The following SNED1 variants were observed in gnomAD, a reference collection of about 807,000 sequenced individuals.
SNED1 encodes sushi, nidogen and EGF-like domain-containing protein 1.
In SNED1, 81 loss-of-function variants were observed where a neutral mutation model predicts 166.7. The observed-to-expected ratio is 0.49, with a 90% CI of 0.41 to 0.58. SNED1 has a LOEUF of 0.58. Ranked by LOEUF, SNED1 falls within the 20% of genes least tolerant of loss-of-function variation. The pLI is 0.00. For synonymous variants in SNED1, 762 were observed against 822.0 expected (o/e 0.93, Z 1.25); for missense variants, 1,604 against 2,000.2 (o/e 0.80, Z 3.78).
chr2:241,009,576 A>G (rs920928433), intron 1 of SNED1, among the ~76,000 whole-genome samples: 1 of 152,110 alleles, frequency 6.6e-6, no homozygotes. Context: ...GCATGGCCCC[A>G]TGGGGACAGG....
rs1273327829 is a variant in SNED1 at position 241,052,633 on chromosome 2, G to GT, written c.2083+165_2083+166insT. On this transcript the variant is annotated intron_variant, in intron 15 of 31. Transcript: ENST00000310397. The stretch of plus-strand genomic sequence containing the variant: ...ATACCAGTGCCAGGCAGGTGAGAGG[G>GT]CCGGGGGGCCAAGCAGGGTACATGG... 3.7e-5 allele frequency among the ~76,000 whole-genome samples: 5 copies of GT among 136,672 alleles called. No homozygotes were observed. In the South Asian group the frequency reaches 1.0e-3, roughly 28 times the overall value. The allele number at this position is 136,672 out of a possible 152,430, so 89.7% of individuals were successfully genotyped here.
At chr2:241,055,362 A>G (rs1168670529) in intron 16 of SNED1, among the ~76,000 whole-genome samples, 1 of 152,182 alleles carries the variant, frequency 6.6e-6, no homozygotes, top group Non-Finnish European at 1.5e-5. Context: ...AAACAGAAAA[A>G]GTTTTAACTT....
In SNED1 at chr2:241,071,717, C is replaced by CCCCCCCGGA; in HGVS notation, c.3732_3733insCCCCCGGAC (p.Pro1244_Arg1245insProProAsp). On this transcript the variant is annotated inframe_insertion, in exon 25 of 32. Coordinates refer to ENST00000310397, the MANE Select transcript of SNED1 (RefSeq NM_001080437.3). Reference sequence around the variant, plus strand: ...GCCCCCGAGACCCCCACCCAGCCCCCCAGGTACATGCCCCACCCATCGGCC... The same window carrying CCCCCCCGGA: ...GCCCCCGAGACCCCCACCCAGCCCCCCCCCCCGGACAGGTACATGCCCCACCCATCGGCC... The CCCCCCCGGA allele has an allele frequency of 6.6e-7, 1 of 1,505,870 alleles. No individual in the cohort carries two copies. Among genetic ancestry groups the CCCCCCCGGA allele is most frequent in the Non-Finnish European group, 9.0e-7 (1 of 1,115,010 alleles). 93.3% of individuals were successfully genotyped at this position (1,505,870 alleles called of 1,614,324 possible).
At chr2:241,071,743 C>T in intron 25 of SNED1, 23 bp downstream of exon 25, 1 of 1,537,762 alleles carries the variant, frequency 6.5e-7, no homozygotes, top group Admixed American at 1.9e-5. Context: ...CCCATCGGCC[C>T]CATCGCCCGA....
At chr2:241,037,029 TC>T in intron 5 of SNED1, 114 bp downstream of exon 5, 1 of 1,338,562 alleles carries the variant, frequency 7.5e-7, no homozygotes, top group Non-Finnish European at 1.0e-6. Flanking sequence ...GGAGTCTCTG[TC>T]CCCAGGGTGT....
At chr2:241,006,561 A>G (rs1416208933) in intron 1 of SNED1, among the ~76,000 whole-genome samples, 1 of 152,238 alleles carries the variant, frequency 6.6e-6, no homozygotes, top group Non-Finnish European at 1.5e-5. Flanking sequence ...AAAGGAGGAA[A>G]CATCAAATGA....
chr2:241,073,608 G>A lies in SNED1; in HGVS notation c.3916+244G>A. The stretch of plus-strand genomic sequence containing the variant: ...GACCCACCCAAACCACCCAGAGTCT[G>A]AGCTAGAGAGACTGGCTTTGATGCT... On this transcript the variant is annotated intron_variant, in intron 27 of 31. Transcript: ENST00000310397. This position sits in a 1 kb window ranked among gnomAD's most constrained non-coding sequence, Gnocchi z 6.6. 1.8e-6 allele frequency: 1 copy of A among 547,914 alleles called. No homozygotes were observed. Among genetic ancestry groups the A allele is most frequent in the Middle Eastern group, 4.7e-4 (1 of 2,146 alleles). 33.9% of individuals were successfully genotyped at this position (547,914 alleles called of 1,614,324 possible). A position where few individuals can be genotyped will look rare whatever the true frequency, so the allele number is the denominator to read the frequency against.
At chr2:241,089,209 C>G in intron 31 of SNED1, 1 of 1,274,130 alleles carries the variant, frequency 7.8e-7, no homozygotes, top group Non-Finnish European at 1.1e-6. Context: ...ATCAACATGT[C>G]ACTGCATGAA....
chr2:241,058,313 A>C (rs55811297), intron 16 of SNED1, among the ~76,000 whole-genome samples: 29,485 of 152,120 alleles, frequency 0.19, 3,012 homozygotes, highest in East Asian at 0.4. Context: ...AGAAACTGAC[A>C]TTAATACCAA....
intron 1 of SNED1, among the ~76,000 whole-genome samples, chr2:241,024,214 A>G (rs1463639973): frequency 9.6e-6 from 1 of 103,724 alleles, no homozygotes; most frequent in Non-Finnish European, 1.9e-5. Flanking sequence ...TGTCTGGTGT[A>G]GTTGTATTTC....
At chr2:241,063,809 G>T in intron 18 of SNED1, 109 bp downstream of exon 18, 1 of 892,744 alleles carries the variant, frequency 1.1e-6, no homozygotes, top group Non-Finnish European at 1.7e-6. Context: ...CCTGGGGAGA[G>T]GGACCCCCAG....
At chr2:241,078,382 CA>C (rs60965517) in intron 27 of SNED1, among the ~76,000 whole-genome samples, 74,154 of 115,914 alleles carry the variant, frequency 0.64, 22,255 homozygotes, top group Middle Eastern at 0.75. Context: ...GACTCCGTCT[CA>C]AAAAAAAAAA....
intron 1 of SNED1, among the ~76,000 whole-genome samples, chr2:241,027,921 G>A (rs1574917677): frequency 6.6e-6 from 1 of 152,136 alleles, no homozygotes; most frequent in East Asian, 1.9e-4. Flanking sequence ...TTCTAGTAGA[G>A]ACAGGGTTTC....
intron 3 of SNED1, 85 bp downstream of exon 3, chr2:241,033,960 G>T: frequency 2.7e-6 from 4 of 1,471,392 alleles, no homozygotes; most frequent in Non-Finnish European, 3.6e-6. Context: ...GTAGGCAGGG[G>T]CTCACCATAG....
chr2:241,016,012 T>C (rs1025413091), intron 1 of SNED1: 2 of 144,000 alleles, frequency 1.4e-5, no homozygotes, highest in African/African-American at 5.4e-5. Context: ...GATTTTCTCC[T>C]TTAATCTGTT....
intron 21 of SNED1, among the ~76,000 whole-genome samples, chr2:241,066,426 C>T (rs1387042598): frequency 3.9e-5 from 6 of 152,152 alleles, no homozygotes; most frequent in Admixed American, 6.5e-5. Context: ...CCACGGAGCC[C>T]GGCCGCATCA....
chr2:241,037,022 GTC>G lies in SNED1; in HGVS notation c.931+111_931+112del, dbSNP rs2061393644. On this transcript the variant is annotated intron_variant, in intron 5 of 31. Transcript: ENST00000310397. ...GGGCGCCCAGGGTCCCAGGTCAGGA[GTC>G]TCTGTCCCCAGGGTGTGGGTGACTT... is the stretch of plus-strand genomic sequence containing the variant. The G allele has an allele frequency of 5.8e-6, 8 of 1,377,932 alleles. No homozygotes were observed. In the South Asian group the frequency reaches 1.1e-4, roughly 18 times the overall value. The allele number at this position is 1,377,932 out of a possible 1,614,324, so 85.4% of individuals were successfully genotyped here. A position where few individuals can be genotyped will look rare whatever the true frequency, so the allele number is the denominator to read the frequency against.
At chr2:240,998,249 G>A (rs1271112805), upstream of SNED1, among the ~76,000 whole-genome samples, 1 of 152,276 alleles carries the variant, frequency 6.6e-6, no homozygotes, top group Non-Finnish European at 1.5e-5. Context: ...GCTGGGAAGG[G>A]GGCAGCACGG....
rs2062334930 is a variant in SNED1, at chr2:241,064,053, C to T, written c.2527C>T (p.Arg843Trp). ...CDSSPCQHGG[R>W]CESGGGAYLC... ...CTCCAGCCCCTGCCAGCATGGAGGCCGGTGTGAGAGCGGCGGCGGGGCCTA... is the reference window on the plus strand; with the variant it reads ...CTCCAGCCCCTGCCAGCATGGAGGCTGGTGTGAGAGCGGCGGCGGGGCCTA... The change falls in exon 19 of 32, where the codon CGG becomes TGG. Residue 843 changes from arginine to tryptophan, a missense_variant. This residue lies in a region of SNED1 where 1,237 missense variants were observed against 1,620.8 expected (regional missense o/e 0.76). Transcript: ENST00000310397. The surrounding 1 kb of genome is among the most constrained non-coding windows in gnomAD (Gnocchi z 7.0). 7 of 1,565,794 alleles carry T rather than the reference C, an allele frequency of 4.5e-6. No homozygotes were observed. The highest frequency in any genetic ancestry group is 1.7e-4 in the Middle Eastern group (1 of 6,000).
Sources: gnomAD v4.1 joint callset for allele counts (sites outside exome capture counted in the v4.1 genomes callset) on GRCh38, gnomAD v4.1.1 for gene constraint, gnomAD v4.1.1 regional missense constraint, Gnocchi (gnomAD v3.1) non-coding constraint, MANE v1.5 for transcripts, NCBI Gene and HGNC (gene_info 2026-07-23, HGNC 2026-07-21) for gene names.